CNTN4: variants seen among roughly 807,000 people sequenced by gnomAD.
The protein encoded by CNTN4 is contactin-4.
CNTN4 carries 77 observed loss-of-function variants against 122.5 expected under a neutral mutation model. That is an observed-to-expected ratio of 0.63 (90% CI 0.52 to 0.76). The LOEUF is 0.76. CNTN4 is among the 30% of genes least tolerant of loss of function. CNTN4 has a pLI of 0.00. For missense variants in CNTN4, 1,256 were observed against 1,259.1 expected, an observed-to-expected ratio of 1.00 and a Z score of 0.04; for synonymous variants, 512 against 447.0, an observed-to-expected ratio of 1.15 and a Z score of -1.83.
intron 2 of CNTN4, among the ~76,000 whole-genome samples, chr3:2,242,304 G>A (rs953156098): frequency 4.2e-4 from 64 of 152,136 alleles, no homozygotes; most frequent in Non-Finnish European, 1.6e-4. Context: ...ATGCATTCAC[G>A]TGTTTCATCT....
chr3:2,586,028 C>T (rs1352581529), intron 4 of CNTN4, among the ~76,000 whole-genome samples: 4 of 152,108 alleles, frequency 2.6e-5, no homozygotes, highest in Non-Finnish European at 5.9e-5. Context: ...CTGTTAAATG[C>T]TTCAAATACA....
At chr3:2,737,670 T>C (rs957215501) in intron 5 of CNTN4, among the ~76,000 whole-genome samples, 1 of 152,240 alleles carries the variant, frequency 6.6e-6, no homozygotes, top group Non-Finnish European at 1.5e-5. Context: ...ACAGTTTTCA[T>C]GTTAATAAAC....
At chr3:2,514,357 G>C (rs1049103622) in intron 3 of CNTN4, among the ~76,000 whole-genome samples, 2 of 152,088 alleles carry the variant, frequency 1.3e-5, no homozygotes, top group African/African-American at 2.4e-5. Flanking sequence ...GTGAATATGA[G>C]CTGGGTGTGG....
chr3:2,473,730 C>T (rs1397504085), intron 3 of CNTN4, among the ~76,000 whole-genome samples: 6 of 151,982 alleles, frequency 3.9e-5, no homozygotes, highest in African/African-American at 7.3e-5. Flanking sequence ...CAACATTTGC[C>T]GGCCAGGCGC....
intron 2 of CNTN4, among the ~76,000 whole-genome samples, chr3:2,293,799 G>T (rs1380595697): frequency 1.3e-5 from 2 of 152,080 alleles, no homozygotes; most frequent in African/African-American, 4.8e-5. Context: ...AATAAAAGTT[G>T]AAACTTTTTT....
At chr3:2,622,720 T>C (rs1467991356) in intron 4 of CNTN4, among the ~76,000 whole-genome samples, 1 of 152,218 alleles carries the variant, frequency 6.6e-6, no homozygotes, top group Non-Finnish European at 1.5e-5. Context: ...TATCTTAGCC[T>C]ACCTAAAGCA....
chr3:2,923,581 G>T (rs183967765), intron 12 of CNTN4, among the ~76,000 whole-genome samples: 212 of 152,268 alleles, frequency 1.4e-3, no homozygotes, highest in African/African-American at 4.9e-3. Flanking sequence ...TGTTGGTGCA[G>T]TGTGGCCACG....
chr3:3,038,472 T>C (rs1222428522), intron 18 of CNTN4, among the ~76,000 whole-genome samples: 3 of 152,138 alleles, frequency 2.0e-5, no homozygotes, highest in African/African-American at 7.2e-5. Context: ...ATGCTGACTG[T>C]TCCTTACCCT....
At chr3:2,783,113 T>C (rs2091672115) in intron 6 of CNTN4, among the ~76,000 whole-genome samples, 1 of 150,730 alleles carries the variant, frequency 6.6e-6, no homozygotes, top group Non-Finnish European at 1.5e-5. Context: ...ATTTTCTCTC[T>C]ACTAATTTTT....
intron 6 of CNTN4, among the ~76,000 whole-genome samples, chr3:2,818,898 T>A (rs1378373896): frequency 6.6e-6 from 1 of 152,208 alleles, no homozygotes; most frequent in Non-Finnish European, 1.5e-5. Context: ...TATATAGAGT[T>A]GTGTTTGTAT....
chr3:2,432,717 T>A (rs1265698204), intron 3 of CNTN4, among the ~76,000 whole-genome samples: 1 of 152,082 alleles, frequency 6.6e-6, no homozygotes, highest in African/African-American at 2.4e-5. Flanking sequence ...TCCATTTATG[T>A]GATAATGGAC....
intron 8 of CNTN4, among the ~76,000 whole-genome samples, chr3:2,880,259 T>C (rs1308720150): frequency 6.6e-6 from 1 of 152,208 alleles, no homozygotes; most frequent in Non-Finnish European, 1.5e-5. Context: ...CCTCCTTGGC[T>C]TTTGTATTCT....
chr3:2,872,890 A>G (rs2150896995), intron 8 of CNTN4, among the ~76,000 whole-genome samples: 2 of 152,338 alleles, frequency 1.3e-5, no homozygotes, highest in East Asian at 1.9e-4. Flanking sequence ...GTTCTCAAAT[A>G]TAACTGAAAT....
At chr3:2,345,779 T>C (rs1405045652) in intron 3 of CNTN4, among the ~76,000 whole-genome samples, 1 of 152,164 alleles carries the variant, frequency 6.6e-6, no homozygotes, top group Admixed American at 6.5e-5. Flanking sequence ...CCACAACTAA[T>C]TTATTGTGTG....
chr3:2,468,188 T>G (rs2075568352), intron 3 of CNTN4, among the ~76,000 whole-genome samples: 1 of 152,202 alleles, frequency 6.6e-6, no homozygotes. Flanking sequence ...TAAATGTAAT[T>G]AACCAAAATA....
At chr3:2,365,541 A>G (rs2045344896) in intron 3 of CNTN4, among the ~76,000 whole-genome samples, 1 of 152,224 alleles carries the variant, frequency 6.6e-6, no homozygotes. Flanking sequence ...GGGGAAATGC[A>G]AAGAGAGAAA....
At chr3:2,512,371 A>C (rs1455010011) in intron 3 of CNTN4, among the ~76,000 whole-genome samples, 1 of 152,212 alleles carries the variant, frequency 6.6e-6, no homozygotes, top group African/African-American at 2.4e-5. Flanking sequence ...AAAAACAAAA[A>C]AAATCACTTT....
At chr3:2,454,856 C>T (rs1013622581) in intron 3 of CNTN4, among the ~76,000 whole-genome samples, 2 of 152,072 alleles carry the variant, frequency 1.3e-5, no homozygotes, top group Non-Finnish European at 2.9e-5. Flanking sequence ...CACATTTATC[C>T]TGGAGTGAGA....
intron 10 of CNTN4, among the ~76,000 whole-genome samples, chr3:2,896,522 G>C (rs369584170): frequency 5.2e-4 from 79 of 152,198 alleles, no homozygotes; most frequent in African/African-American, 1.8e-3. Flanking sequence ...TTGTAGAGCT[G>C]GTCCTTCTTT....
Sources: allele counts gnomAD v4.1 joint callset (sites outside exome capture counted in the v4.1 genomes callset), GRCh38; gene constraint gnomAD v4.1.1; transcripts MANE v1.5; gene names NCBI Gene and HGNC (gene_info 2026-07-23, HGNC 2026-07-21).